Variants in STAU2 observed in about 807,000 individuals in gnomAD.
STAU2 encodes double-stranded RNA-binding protein Staufen homolog 2.
STAU2 carries 20 observed loss-of-function variants against 65.9 expected under a neutral mutation model. The ratio of observed to expected loss-of-function variants is 0.30; its 90% CI spans 0.21 to 0.44. The LOEUF is 0.44. Ranked by LOEUF, STAU2 falls within the 20% of genes least tolerant of loss-of-function variation. The pLI is 1.00. For synonymous variants in STAU2, 232 were observed against 233.9 expected, an observed-to-expected ratio of 0.99 and a Z score of 0.07; for missense variants, 558 against 683.9, an observed-to-expected ratio of 0.82 and a Z score of 2.05.
rs559702843 is a variant in STAU2, at chr8:73,580,544, AT to A, written c.1222+2225del. ...CTTCACAGGACAGAAACCATTTAGA[AT>A]AGAATTTCAAACTTAAGAAACTGAT... is the stretch of plus-strand genomic sequence containing the variant. On this transcript the variant is annotated intron_variant, in intron 12 of 14. Coordinates refer to ENST00000524300, the MANE Select transcript of STAU2 (RefSeq NM_001164380.2). Among the ~76,000 whole-genome samples the A allele has an allele frequency of 2.8e-4, 42 of 152,364 alleles. No homozygotes were observed. In the East Asian group the frequency reaches 8.1e-3, roughly 29 times the overall value.
intron 6 of STAU2, among the ~76,000 whole-genome samples, chr8:73,646,849 C>A (rs555200232): frequency 6.7e-6 from 1 of 150,362 alleles, no homozygotes; most frequent in East Asian, 2.0e-4. Flanking sequence ...AAAATATATA[C>A]AAAACTCTCA....
At chr8:73,682,557 C>T (rs1355464727) in intron 5 of STAU2, among the ~76,000 whole-genome samples, 2 of 151,820 alleles carry the variant, frequency 1.3e-5, no homozygotes, top group Admixed American at 6.6e-5. Context: ...AGGGTCACAC[C>T]TCAAGAACTA....
intron 13 of STAU2, among the ~76,000 whole-genome samples, chr8:73,513,698 G>A (rs1449942508): frequency 6.6e-6 from 1 of 152,140 alleles, no homozygotes; most frequent in Non-Finnish European, 1.5e-5. Flanking sequence ...GCCCCAACTA[G>A]GAATGTAACC....
At chr8:73,639,662 A>G (rs969374563) in intron 6 of STAU2, among the ~76,000 whole-genome samples, 3 of 152,176 alleles carry the variant, frequency 2.0e-5, no homozygotes, top group South Asian at 2.1e-4. Context: ...AGGCTCCTAC[A>G]TATTTAAAGC....
At chr8:73,574,043 T>G (rs946354564) in intron 12 of STAU2, among the ~76,000 whole-genome samples, 2 of 151,972 alleles carry the variant, frequency 1.3e-5, no homozygotes, top group Non-Finnish European at 2.9e-5. Context: ...ACAAAGAACT[T>G]AAACAAATTT....
intron 4 of STAU2, among the ~76,000 whole-genome samples, chr8:73,702,389 C>T (rs900694659): frequency 5.3e-5 from 8 of 151,962 alleles, no homozygotes; most frequent in South Asian, 2.1e-4. Flanking sequence ...ATGATTACAA[C>T]AAGGAATGAG....
chr8:73,629,965 T>C lies in STAU2; in HGVS notation c.411-12514A>G, dbSNP rs529162689. Among the ~76,000 whole-genome samples, 8 of 152,254 alleles carry C rather than the reference T, an allele frequency of 5.3e-5. No homozygotes were observed. In the South Asian group the frequency reaches 1.7e-3, roughly 32 times the overall value. ...TTTATAGAGATGCTTTTCAAAGAAA[T>C]AGGAAAATGAACTTTGCTCAACTAC... On this transcript the variant is annotated intron_variant, in intron 6 of 14. Transcript: ENST00000524300.
intron 13 of STAU2, among the ~76,000 whole-genome samples, chr8:73,427,384 A>G (rs1816903204): frequency 6.6e-6 from 1 of 151,980 alleles, no homozygotes; most frequent in Admixed American, 6.6e-5. Flanking sequence ...TTTTGGCCCC[A>G]CCTTATTTTA....
At chr8:73,664,064 G>T (rs957477321) in intron 6 of STAU2, among the ~76,000 whole-genome samples, 1 of 152,006 alleles carries the variant, frequency 6.6e-6, no homozygotes, top group Non-Finnish European at 1.5e-5. Flanking sequence ...GTTCTTTGTT[G>T]TTTTTTTGAG....
intron 13 of STAU2, among the ~76,000 whole-genome samples, chr8:73,481,430 G>T (rs1182025565): frequency 6.8e-6 from 1 of 146,982 alleles, no homozygotes; most frequent in African/African-American, 2.5e-5. Context: ...ACATGCCAAA[G>T]TTTGAGAGCC....
chr8:73,569,641 G>C (rs1209142065), intron 12 of STAU2, among the ~76,000 whole-genome samples: 1 of 152,072 alleles, frequency 6.6e-6, no homozygotes, highest in Non-Finnish European at 1.5e-5. Flanking sequence ...AGCAATATTT[G>C]TCATTCTGCA....
intron 13 of STAU2, among the ~76,000 whole-genome samples, chr8:73,437,675 G>A (rs555009893): frequency 6.6e-6 from 1 of 152,328 alleles, no homozygotes; most frequent in South Asian, 2.1e-4. Context: ...GTCACACTGA[G>A]GTGTAAGGTT....
At chr8:73,570,744 C>T (rs1012419777) in intron 12 of STAU2, among the ~76,000 whole-genome samples, 1 of 152,166 alleles carries the variant, frequency 6.6e-6, no homozygotes, top group African/African-American at 2.4e-5. Context: ...AGACTAACAG[C>T]GGATCTCTCG....
At chr8:73,616,304 A>G (rs1812830020) in intron 7 of STAU2, among the ~76,000 whole-genome samples, 1 of 152,220 alleles carries the variant, frequency 6.6e-6, no homozygotes, top group Non-Finnish European at 1.5e-5. Flanking sequence ...ACTATTAGAA[A>G]GAGACAGTAT....
At chr8:73,645,084 G>A (rs1268990668) in intron 6 of STAU2, among the ~76,000 whole-genome samples, 1 of 152,098 alleles carries the variant, frequency 6.6e-6, no homozygotes, top group Non-Finnish European at 1.5e-5. Flanking sequence ...CTCTTTTTAT[G>A]AGTACAATAG....
rs113659407 is a variant in STAU2 at position 73,438,626 on chromosome 8, C to T, written c.1531-15924G>A. ...CCAGGGAGTGGAAGCTGCAGGCAAA[C>T]GGATTCGGGCTCAAAACAGGAAGGA... On this transcript the variant is annotated intron_variant, in intron 13 of 14. Transcript: ENST00000524300. 1.8e-3 allele frequency among the ~76,000 whole-genome samples: 273 copies of T among 152,292 alleles called. 1 individual carries two copies. Among genetic ancestry groups the T allele is most frequent in the African/African-American group, 6.0e-3 (250 of 41,574 alleles).
chr8:73,545,343 T>C (rs897203074), intron 13 of STAU2, among the ~76,000 whole-genome samples: 12 of 152,192 alleles, frequency 7.9e-5, no homozygotes, highest in Admixed American at 3.9e-4. Context: ...ATCCAGCCTG[T>C]ACTTTTCTTA....
chr8:73,638,463 A>G (rs959890436), intron 6 of STAU2, among the ~76,000 whole-genome samples: 1 of 151,426 alleles, frequency 6.6e-6, no homozygotes, highest in Non-Finnish European at 1.5e-5. Context: ...TACCAACTAA[A>G]TCTAGTAAGA....
intron 12 of STAU2, among the ~76,000 whole-genome samples, chr8:73,579,739 C>T (rs1809848105): frequency 6.6e-6 from 1 of 152,120 alleles, no homozygotes; most frequent in Non-Finnish European, 1.5e-5. Flanking sequence ...TAAAAACACA[C>T]TTAGAATAGT....
Sources: gnomAD v4.1 joint callset for allele counts (sites outside exome capture counted in the v4.1 genomes callset) on GRCh38, gnomAD v4.1.1 for gene constraint, MANE v1.5 for transcripts, NCBI Gene and HGNC (gene_info 2026-07-23, HGNC 2026-07-21) for gene names.